Variants in CRISPLD2 observed in about 807,000 individuals in gnomAD.
CRISPLD2 encodes cysteine rich secretory protein LCCL domain containing 2.
A neutral mutation model predicts 71.1 loss-of-function variants in CRISPLD2; 47 were observed. That is an observed-to-expected ratio of 0.66 (90% CI 0.52 to 0.84). The LOEUF (loss-of-function observed/expected upper bound fraction) is 0.84. Ranked by LOEUF, CRISPLD2 falls within the 40% of genes least tolerant of loss-of-function variation. CRISPLD2 has a pLI of 0.00. For missense variants in CRISPLD2, 830 were observed against 651.1 expected (o/e 1.27, Z -2.99); for synonymous variants, 317 against 250.1 (o/e 1.27, Z -2.52).
intron 1 of CRISPLD2, among the ~76,000 whole-genome samples, chr16:84,825,629 G>T (rs779859231): frequency 6.6e-6 from 1 of 151,990 alleles, no homozygotes; most frequent in Admixed American, 6.6e-5. Flanking sequence ...GGTGGTGCAC[G>T]CCTGTAATCC....
chr16:84,850,690 C>G lies in CRISPLD2; in HGVS notation c.608+7C>G. 1 of 1,605,234 alleles carries G rather than the reference C, an allele frequency of 6.2e-7. No homozygotes were observed. The highest frequency in any genetic ancestry group is 1.7e-5 in the Admixed American group (1 of 60,002). On this transcript the variant is annotated splice_region_variant and intron_variant, in intron 5 of 14. Coordinates refer to ENST00000262424, the MANE Select transcript of CRISPLD2 (RefSeq NM_031476.4). Reference sequence around the variant, plus strand: ...TCTGCAATTATTCTCCAAAGTAAGACAAGTTGATGCCGTTGTATGGGGTGG... The same window carrying G: ...TCTGCAATTATTCTCCAAAGTAAGAGAAGTTGATGCCGTTGTATGGGGTGG...
chr16:84,853,193 C>T (rs1435614000), intron 5 of CRISPLD2, among the ~76,000 whole-genome samples: 1 of 152,074 alleles, frequency 6.6e-6, no homozygotes, highest in African/African-American at 2.4e-5. Context: ...AATATAGAAC[C>T]GTAGACACAA....
intron 1 of CRISPLD2, among the ~76,000 whole-genome samples, chr16:84,827,934 C>G (rs984794433): frequency 6.6e-6 from 1 of 152,170 alleles, no homozygotes; most frequent in Non-Finnish European, 1.5e-5. Flanking sequence ...GGTTCTGCCC[C>G]CCTCCTCTGT....
intron 14 of CRISPLD2, among the ~76,000 whole-genome samples, chr16:84,904,233 A>G (rs117849807): frequency 2.0e-5 from 3 of 152,300 alleles, no homozygotes; most frequent in East Asian, 1.9e-4. Context: ...GAAACATCCT[A>G]TACAGCGACA....
intron 1 of CRISPLD2, among the ~76,000 whole-genome samples, chr16:84,827,798 C>T (rs909474396): frequency 6.6e-6 from 1 of 152,024 alleles, no homozygotes. Context: ...AACTCCTGAC[C>T]TCAGGTGATC....
intron 1 of CRISPLD2, among the ~76,000 whole-genome samples, chr16:84,838,060 T>C (rs1010486895): frequency 1.3e-5 from 2 of 152,216 alleles, no homozygotes; most frequent in Non-Finnish European, 2.9e-5. Context: ...AGCAATCCCC[T>C]TGGGGCAGGT....
At chr16:84,854,634 G>T (rs777965516) in intron 5 of CRISPLD2, 95 bp from the exon 6 acceptor site, 4 of 845,778 alleles carry the variant, frequency 4.7e-6, no homozygotes, top group African/African-American at 1.7e-5. Flanking sequence ...TGTCAGTGGC[G>T]GTGTTCAGGG....
At chr16:84,861,941 A>T (rs1917395834) in intron 6 of CRISPLD2, among the ~76,000 whole-genome samples, 2 of 152,068 alleles carry the variant, frequency 1.3e-5, no homozygotes, top group African/African-American at 4.8e-5. Flanking sequence ...AAAAACATAA[A>T]ACAGACATTT....
In CRISPLD2 at chr16:84,889,337, G is replaced by A. The variant is rs766867945; in HGVS notation, c.1413G>A (p.Ser471=). ...ATAAAAAGAAGACCTACGTGGGCTCGCTCAGGAATGGAGTTCAGTCTGAAA... is the reference window on the plus strand; with the variant it reads ...ATAAAAAGAAGACCTACGTGGGCTCACTCAGGAATGGAGTTCAGTCTGAAA... The part of the protein sequence containing the change: ...PVDKKKTYVG[S]LRNGVQSESL... Residue 471 remains serine, a synonymous_variant, in exon 14 of 15, where the codon TCG becomes TCA. Transcript: ENST00000262424. 8.1e-6 allele frequency: 13 copies of A among 1,613,546 alleles called. No homozygotes were observed. The highest frequency in any genetic ancestry group is 1.1e-5 in the South Asian group (1 of 91,036).
At chr16:84,877,583 C>T in intron 12 of CRISPLD2, 73 bp downstream of exon 12, 4 of 1,451,582 alleles carry the variant, frequency 2.8e-6, no homozygotes, top group Non-Finnish European at 2.9e-6. Context: ...GGTGAGGTGG[C>T]TCACAGCTGT....
In CRISPLD2 at chr16:84,834,385, C is replaced by G. The variant is rs114758323; in HGVS notation, c.-74-4037C>G. Among the ~76,000 whole-genome samples, 183 of 152,342 alleles carry G rather than the reference C, an allele frequency of 1.2e-3. 1 individual carries two copies. Among genetic ancestry groups the G allele is most frequent in the African/African-American group, 4.1e-3 (169 of 41,580 alleles). ...GGAAAAGGGGTGGAAGTGCTTCGGT[C>G]CCGGTTCCGACTGAGCTGTCTCAGA... is the stretch of plus-strand genomic sequence containing the variant. On this transcript the variant is annotated intron_variant, in intron 1 of 14. Coordinates refer to ENST00000262424, the MANE Select transcript of CRISPLD2 (RefSeq NM_031476.4).
chr16:84,847,820 T>G (rs1446477791), intron 3 of CRISPLD2, among the ~76,000 whole-genome samples: 1 of 152,226 alleles, frequency 6.6e-6, no homozygotes, highest in Non-Finnish European at 1.5e-5. Flanking sequence ...TGGATCACTT[T>G]GAAATCTTTT....
intron 6 of CRISPLD2, among the ~76,000 whole-genome samples, chr16:84,865,912 T>C (rs1917522470): frequency 6.6e-6 from 1 of 152,222 alleles, no homozygotes; most frequent in Non-Finnish European, 1.5e-5. Context: ...AATAATAATA[T>C]ACCATGTCCT....
Position 84,873,029 on chromosome 16 carries a change from T to C in CRISPLD2, c.1019T>C (p.Ile340Thr). 2 of 1,613,946 alleles carry C rather than the reference T, an allele frequency of 1.2e-6. No individual in the cohort carries two copies. Among genetic ancestry groups the C allele is most frequent in the South Asian group, 2.2e-5 (2 of 91,036 alleles). Residue 340 changes from isoleucine to threonine, a missense_variant, in exon 10 of 15, where the codon ATC becomes ACC. Coordinates refer to ENST00000262424, the MANE Select transcript of CRISPLD2 (RefSeq NM_031476.4). Reference protein sequence around the residue: ...SICRAAIHYGILDDKGGLVDI... With the variant: ...SICRAAIHYGTLDDKGGLVDI... ...TGCCGCGCCGCCATCCACTACGGGA[T>C]CCTGGATGACAAGGGAGGCCTGGTG...
intron 14 of CRISPLD2, among the ~76,000 whole-genome samples, chr16:84,900,682 T>C (rs2071745852): frequency 6.6e-6 from 1 of 152,084 alleles, no homozygotes; most frequent in South Asian, 2.1e-4. Context: ...ATTCCACTCC[T>C]AGGCGCTCAC....
At chr16:84,847,735 CTT>C (rs1567685658) in intron 3 of CRISPLD2, among the ~76,000 whole-genome samples, 1 of 152,154 alleles carries the variant, frequency 6.6e-6, no homozygotes, top group Admixed American at 6.6e-5. Flanking sequence ...TGGTTCGGCT[CTT>C]TTCATTTTTC....
intron 2 of CRISPLD2, among the ~76,000 whole-genome samples, chr16:84,845,011 C>T (rs1480307300): frequency 6.6e-6 from 1 of 152,192 alleles, no homozygotes; most frequent in African/African-American, 2.4e-5. Context: ...GCCAATCCAA[C>T]GCCACCCGGA....
At chr16:84,880,780 A>G in intron 13 of CRISPLD2, 196 bp downstream of exon 13, 1 of 441,826 alleles carries the variant, frequency 2.3e-6, no homozygotes, top group Non-Finnish European at 4.1e-6. Context: ...ATCTTGGCCC[A>G]CTGTAACCTC....
chr16:84,823,009 T>G (rs1028358563), intron 1 of CRISPLD2, among the ~76,000 whole-genome samples: 3 of 152,284 alleles, frequency 2.0e-5, no homozygotes, highest in African/African-American at 7.2e-5. Context: ...CCAGGCCCAT[T>G]AGGCATCATT....
Sources: allele counts gnomAD v4.1 joint callset (sites outside exome capture counted in the v4.1 genomes callset), GRCh38; gene constraint gnomAD v4.1.1; transcripts MANE v1.5; gene names NCBI Gene and HGNC (gene_info 2026-07-23, HGNC 2026-07-21).